Variants in IL7 observed in about 807,000 individuals in gnomAD.
The protein encoded by IL7 is interleukin 7.
IL7 carries 3 observed loss-of-function variants against 21.6 expected under a neutral mutation model. That is an observed-to-expected ratio of 0.14 (90% CI 0.06 to 0.36). The LOEUF is 0.36. IL7 is among the 10% of genes least tolerant of loss of function. IL7 has a pLI of 1.00. For missense variants in IL7, 175 were observed against 200.2 expected (o/e 0.87, Z 0.76); for synonymous variants, 62 against 68.1 (o/e 0.91, Z 0.44).
chr8:78,724,189 G>C (rs540710553), intron 3 of IL7: 2 of 152,148 alleles, frequency 1.3e-5, no homozygotes, highest in East Asian at 1.9e-4. Flanking sequence ...TTTTAAAACA[G>C]GTTCTTTTTT....
intron 2 of IL7, among the ~76,000 whole-genome samples, chr8:78,776,282 C>G (rs1207071144): frequency 2.6e-5 from 4 of 152,006 alleles, no homozygotes; most frequent in Non-Finnish European, 5.9e-5. Context: ...CATCCACAGC[C>G]CGGTTCTGCT....
intron 2 of IL7, among the ~76,000 whole-genome samples, chr8:78,753,961 G>T (rs147460343): frequency 1.2e-4 from 18 of 152,016 alleles, no homozygotes; most frequent in Admixed American, 8.5e-4. Flanking sequence ...CATGCTGTTC[G>T]GTTACATTTC....
chr8:78,762,470 C>G, intron 2 of IL7: 1 of 1,533,914 alleles, frequency 6.5e-7, no homozygotes, highest in Non-Finnish European at 8.8e-7. Context: ...CTCCCCTCCC[C>G]GCCTCCTCAG....
intron 2 of IL7, among the ~76,000 whole-genome samples, chr8:78,764,914 C>T (rs1237252706): frequency 6.6e-6 from 1 of 151,970 alleles, no homozygotes; most frequent in Non-Finnish European, 1.5e-5. Flanking sequence ...GGACTGACAC[C>T]ACTCAATTTC....
intron 1 of IL7, among the ~76,000 whole-genome samples, chr8:78,803,177 T>C (rs1312511750): frequency 1.3e-5 from 2 of 152,162 alleles, no homozygotes; most frequent in African/African-American, 4.8e-5. Context: ...TCTATTATTA[T>C]TTTTTGAGAC....
At chr8:78,753,967 A>C (rs1812263250) in intron 2 of IL7, among the ~76,000 whole-genome samples, 2 of 151,720 alleles carry the variant, frequency 1.3e-5, no homozygotes, top group African/African-American at 4.8e-5. Context: ...GTTCGGTTAC[A>C]TTTCCTTTGA....
At chr8:78,679,422 C>T (rs947274388) in intron 4 of IL7, 1 of 152,098 alleles carries the variant, frequency 6.6e-6, no homozygotes, top group African/African-American at 2.4e-5. Context: ...GTCTAGATTA[C>T]TTATAATTTA....
At chr8:78,804,861 GC>G in intron 1 of IL7, 51 bp downstream of exon 1, 2 of 1,609,620 alleles carry the variant, frequency 1.2e-6, no homozygotes, top group Non-Finnish European at 8.5e-7. Context: ...GTCTGGGATT[GC>G]CCCGGCGCGT....
chr8:78,718,052 A>G (rs1454802913), intron 6 of IL7: 1 of 152,068 alleles, frequency 6.6e-6, no homozygotes, highest in Non-Finnish European at 1.5e-5. Flanking sequence ...ACTAAGAGAA[A>G]AAAAAACCCC....
intron 3 of IL7, among the ~76,000 whole-genome samples, chr8:78,693,258 G>T (rs1331061845): frequency 1.3e-5 from 2 of 151,992 alleles, no homozygotes; most frequent in Admixed American, 6.6e-5. Flanking sequence ...GTAATGGGAT[G>T]GCTGGGTCAA....
intron 3 of IL7, among the ~76,000 whole-genome samples, chr8:78,709,719 TA>T (rs762270772): frequency 0.013 from 1,639 of 130,116 alleles, 6 homozygotes; most frequent in African/African-American, 0.021. Context: ...GCTGATGAAC[TA>T]AAAAAAAAAA....
chr8:78,760,823 C>G, intron 2 of IL7: 2 of 1,548,218 alleles, frequency 1.3e-6, no homozygotes, highest in Non-Finnish European at 1.7e-6. Flanking sequence ...TTCCTCAAAC[C>G]AAAATTCATT....
intron 3 of IL7, chr8:78,689,282 T>C (rs1810128634): frequency 2.5e-6 from 4 of 1,601,728 alleles, no homozygotes; most frequent in East Asian, 2.3e-5. Flanking sequence ...GATAGACATA[T>C]AAATTTCTGT....
intron 2 of IL7, among the ~76,000 whole-genome samples, chr8:78,796,502 A>G (rs1322408306): frequency 6.6e-6 from 1 of 152,006 alleles, no homozygotes; most frequent in Non-Finnish European, 1.5e-5. Flanking sequence ...TTCTCTGTCC[A>G]GATAATACAA....
At chr8:78,761,371 G>C (rs1206152715) in intron 2 of IL7, 1 of 1,611,750 alleles carries the variant, frequency 6.2e-7, no homozygotes. Context: ...AGATAGCTTG[G>C]GGATATTTCT....
intron 4 of IL7, among the ~76,000 whole-genome samples, chr8:78,677,337 A>G (rs927801591): frequency 1.3e-5 from 2 of 150,558 alleles, no homozygotes; most frequent in Admixed American, 6.6e-5. Context: ...GAATAAATGA[A>G]TGAATGGACA....
At chr8:78,788,127 G>A (rs11990466) in intron 2 of IL7, among the ~76,000 whole-genome samples, 12,108 of 152,136 alleles carry the variant, frequency 0.08, 583 homozygotes, top group African/African-American at 0.13. Context: ...GATAGTAGTA[G>A]TTTGTGTCTT....
Position 78,697,421 on chromosome 8 carries a change from A to G in IL7, n.215-11474T>C, listed in dbSNP as rs769129669. The G allele has an allele frequency of 6.3e-6, 10 of 1,599,764 alleles. No individual in the cohort carries two copies. In the East Asian group the frequency reaches 2.3e-4, roughly 36 times the overall value. ...CATTATTTTAGTATAAGCCACCCGC[A>G]CTTAAAAAGTCAAATTCTCCTGGAA... On this transcript the variant is annotated intron_variant and non_coding_transcript_variant, in intron 3 of 4. Coordinates refer to the IL7 transcript ENST00000523959.
At chr8:78,735,293 G>GTTTTTTTTTTTTTTTTTTTTTTTTTTTTT (rs33976248) in intron 5 of IL7, among the ~76,000 whole-genome samples, 3 of 69,574 alleles carry the variant, frequency 4.3e-5, no homozygotes, top group African/African-American at 1.1e-4. Flanking sequence ...TTTTTTTTTT[G>GTTTTTTTTTTTTTTTTTTTTTTTTTTTTT]TTTTTTTTTT....
Sources: allele counts gnomAD v4.1 joint callset (sites outside exome capture counted in the v4.1 genomes callset), GRCh38; gene constraint gnomAD v4.1.1; transcripts MANE v1.5; gene names NCBI Gene and HGNC (gene_info 2026-07-23, HGNC 2026-07-21).